The following FGD6 variants were observed in gnomAD, a reference collection of about 807,000 sequenced individuals.
FGD6 encodes the protein FYVE, RhoGEF and PH domain-containing protein 6.
Under a neutral mutation model 149.4 loss-of-function variants are expected in FGD6, and 90 were observed. The ratio of observed to expected loss-of-function variants is 0.60; its 90% CI spans 0.51 to 0.72. The LOEUF (loss-of-function observed/expected upper bound fraction) is 0.72, where lower values mean the gene tolerates loss of function less well. FGD6 is among the 30% of genes least tolerant of loss of function. The probability of loss-of-function intolerance (pLI) is 0.00; values close to 1 mark genes in which losing one functional copy is unlikely to be tolerated. For missense variants in FGD6, 1,437 were observed against 1,684.8 expected, an observed-to-expected ratio of 0.85 and a Z score of 2.57; for synonymous variants, 527 against 584.0, an observed-to-expected ratio of 0.90 and a Z score of 1.41.
In FGD6 at chr12:95,209,705, T is replaced by G. The variant is rs760891402; in HGVS notation, c.1579A>C (p.Ser527Arg). Residue 527 changes from serine to arginine, a missense_variant, in exon 2 of 21, where the codon AGT becomes CGT. This residue lies in a region of FGD6 where 1,055 missense variants were observed against 1,146.0 expected (regional missense o/e 0.92). Transcript: ENST00000343958. The stretch of plus-strand genomic sequence containing the variant: ...CTCTTCTCTGAACTTTTTTCTTCAC[T>G]TGAAGGATAAGAACTTTTTTCCAAA... ...ELLEKSSYPSSEEKSSEKSLE... is the reference protein window; with the variant it reads ...ELLEKSSYPSREEKSSEKSLE... 21 of 1,613,974 alleles carry G rather than the reference T, an allele frequency of 1.3e-5. No homozygotes were observed. Among genetic ancestry groups the G allele is most frequent in the Admixed American group, 8.3e-5 (5 of 59,962 alleles).
Position 95,081,483 on chromosome 12 carries a change from C to T in FGD6, c.*37G>A, listed in dbSNP as rs774404322. 1.5e-5 allele frequency: 23 copies of T among 1,563,542 alleles called. No individual in the cohort carries two copies. Among genetic ancestry groups the T allele is most frequent in the African/African-American group, 2.7e-5 (2 of 73,678 alleles). On this transcript the variant is annotated 3_prime_UTR_variant, in exon 21 of 21. Coordinates refer to ENST00000343958, the MANE Select transcript of FGD6 (RefSeq NM_018351.4). ...TTTACTCCATTCTGATGAAATTCCA[C>T]CTCTTTGGAATCACAGAAGAGATGA... is the stretch of plus-strand genomic sequence containing the variant.
chr12:95,180,195 G>A (rs1881242735), intron 2 of FGD6, among the ~76,000 whole-genome samples: 1 of 151,834 alleles, frequency 6.6e-6, no homozygotes, highest in Admixed American at 6.6e-5. Context: ...GTGTAGAGAA[G>A]CAAAAAGAAG....
intron 5 of FGD6, among the ~76,000 whole-genome samples, chr12:95,150,236 C>G (rs1880268455): frequency 6.6e-6 from 1 of 152,028 alleles, no homozygotes; most frequent in African/African-American, 2.4e-5. Context: ...CCATGTTGGT[C>G]AGGCTGTCTC....
At chr12:95,110,029 T>C (rs926311077) in intron 9 of FGD6, among the ~76,000 whole-genome samples, 49 of 151,686 alleles carry the variant, frequency 3.2e-4, no homozygotes, top group African/African-American at 1.1e-3. Context: ...CAGGTTGGAG[T>C]GCAGTGGCGC....
chr12:95,105,691 A>C (rs994837330), intron 13 of FGD6, among the ~76,000 whole-genome samples: 1 of 152,224 alleles, frequency 6.6e-6, no homozygotes, highest in African/African-American at 2.4e-5. Flanking sequence ...GAATACATTA[A>C]TGCATGAGTG....
Position 95,167,945 on chromosome 12 carries a change from T to C in FGD6, c.2586+4655A>G, listed in dbSNP as rs371175717. ...CATTTTGAGTTAGTTTTTGTGTATG[T>C]TGAAAGGAAGGGGGTCCAATGTCAT... On this transcript the variant is annotated intron_variant, in intron 3 of 20. Transcript: ENST00000343958. Among the ~76,000 whole-genome samples, 111 of 152,266 alleles carry C rather than the reference T, an allele frequency of 7.3e-4. No homozygotes were observed. The East Asian group carries it at 0.011, about 15-fold the overall frequency.
chr12:95,108,208 T>C (rs1878695002), intron 11 of FGD6, 140 bp downstream of exon 11: 3 of 730,890 alleles, frequency 4.1e-6, no homozygotes, highest in African/African-American at 3.6e-5. Context: ...ACATCATGAA[T>C]GTTTTGAACG....
chr12:95,171,404 T>C (rs1357961831), intron 3 of FGD6, among the ~76,000 whole-genome samples: 2 of 152,198 alleles, frequency 1.3e-5, no homozygotes, highest in Admixed American at 6.6e-5. Context: ...CCTGGGGATA[T>C]TGTTGATGTA....
chr12:95,081,489 T>G lies in FGD6; in HGVS notation c.*31A>C. On this transcript the variant is annotated 3_prime_UTR_variant, in exon 21 of 21. Transcript: ENST00000343958. The stretch of plus-strand genomic sequence containing the variant: ...CCATTCTGATGAAATTCCACCTCTT[T>G]GGAATCACAGAAGAGATGAAACCAA... The G allele has an allele frequency of 6.3e-7, 1 of 1,575,394 alleles. No homozygotes were observed. Among genetic ancestry groups the G allele is most frequent in the Non-Finnish European group, 8.6e-7 (1 of 1,158,932 alleles).
chr12:95,134,284 C>T (rs776306887), intron 8 of FGD6, among the ~76,000 whole-genome samples: 22 of 152,182 alleles, frequency 1.4e-4, no homozygotes, highest in Non-Finnish European at 8.8e-5. Context: ...TAAGCACTGT[C>T]CACATTTAGC....
At chr12:95,089,289 G>C (rs1313275612) in intron 18 of FGD6, among the ~76,000 whole-genome samples, 1 of 152,170 alleles carries the variant, frequency 6.6e-6, no homozygotes, top group Non-Finnish European at 1.5e-5. Flanking sequence ...CTTGCTCAAA[G>C]TCATTTTAAA....
intron 3 of FGD6, among the ~76,000 whole-genome samples, chr12:95,171,509 A>G (rs1880985463): frequency 6.6e-6 from 1 of 152,142 alleles, no homozygotes; most frequent in Non-Finnish European, 1.5e-5. Context: ...CATTATAATG[A>G]ACCCCTGCAT....
In FGD6 at chr12:95,107,040, G is replaced by C. The variant is rs527788999; in HGVS notation, c.3334-3C>G. ...GTATACAGCAGGGCATCATTAAACT[G>C]AAAGTAGAAACATTTCAGGGGAGAA... On this transcript the variant is annotated splice_polypyrimidine_tract_variant and splice_region_variant and intron_variant, in intron 12 of 20. Transcript: ENST00000343958. The C allele has an allele frequency of 1.9e-6, 3 of 1,605,214 alleles. No individual in the cohort carries two copies. Among genetic ancestry groups the C allele is most frequent in the Non-Finnish European group, 2.6e-6 (3 of 1,176,052 alleles).
At chr12:95,178,735 T>C (rs1881200484) in intron 2 of FGD6, among the ~76,000 whole-genome samples, 1 of 152,168 alleles carries the variant, frequency 6.6e-6, no homozygotes, top group Non-Finnish European at 1.5e-5. Flanking sequence ...GTGTATAAAC[T>C]TTTTGAGTTA....
intron 16 of FGD6, among the ~76,000 whole-genome samples, chr12:95,092,095 C>T (rs537965001): frequency 1.3e-5 from 2 of 152,264 alleles, no homozygotes; most frequent in East Asian, 3.9e-4. Context: ...TAGAACCGTA[C>T]CTGGCATGCA....
chr12:95,177,285 T>C (rs992687077), intron 2 of FGD6, among the ~76,000 whole-genome samples: 7 of 152,172 alleles, frequency 4.6e-5, no homozygotes, highest in African/African-American at 1.7e-4. Flanking sequence ...GGAGAAGGGA[T>C]AAGGGATCGG....
chr12:95,103,089 C>T (rs1878502066), intron 14 of FGD6, among the ~76,000 whole-genome samples: 1 of 152,174 alleles, frequency 6.6e-6, no homozygotes, highest in South Asian at 2.1e-4. Context: ...GGTTTCAAAT[C>T]CTGGCTCTGC....
chr12:95,081,623 T>C, intron 20 of FGD6, 67 bp from the exon 21 acceptor site: 1 of 1,085,868 alleles, frequency 9.2e-7, no homozygotes, highest in Non-Finnish European at 1.4e-6. Context: ...ACCATATAGA[T>C]GACAGCTGGG....
At chr12:95,205,162 G>A (rs1345399397) in intron 2 of FGD6, among the ~76,000 whole-genome samples, 1 of 152,042 alleles carries the variant, frequency 6.6e-6, no homozygotes, top group African/African-American at 2.4e-5. Flanking sequence ...CAGCTACCTG[G>A]GAGGCTGAGA....
Sources: gnomAD v4.1 joint callset for allele counts (sites outside exome capture counted in the v4.1 genomes callset) on GRCh38, gnomAD v4.1.1 for gene constraint, gnomAD v4.1.1 regional missense constraint, MANE v1.5 for transcripts, NCBI Gene and HGNC (gene_info 2026-07-23, HGNC 2026-07-21) for gene names.